NDUFA12: variants seen among roughly 807,000 people sequenced by gnomAD.
NDUFA12 encodes the protein NADH dehydrogenase [ubiquinone] 1 alpha subcomplex subunit 12.
A neutral mutation model predicts 20.3 loss-of-function variants in NDUFA12; 17 were observed. The ratio of observed to expected loss-of-function variants is 0.84; its 90% confidence interval spans 0.57 to 1.26. The LOEUF is 1.26. Ranked by LOEUF, NDUFA12 falls within the 50% of genes most tolerant of loss-of-function variation. The pLI is 0.00. For synonymous variants in NDUFA12, 72 were observed against 63.6 expected, an observed-to-expected ratio of 1.13 and a Z score of -0.63; for missense variants, 191 against 183.7, an observed-to-expected ratio of 1.04 and a Z score of -0.23.
At chr12:94,978,419 A>G (rs1260373611) in intron 3 of NDUFA12, among the ~76,000 whole-genome samples, 1 of 152,236 alleles carries the variant, frequency 6.6e-6, no homozygotes, top group Non-Finnish European at 1.5e-5. Context: ...CAGACTGGAC[A>G]TTAGAGAATT....
At chr12:94,978,355 G>A (rs1874126509) in intron 3 of NDUFA12, among the ~76,000 whole-genome samples, 1 of 152,198 alleles carries the variant, frequency 6.6e-6, no homozygotes, top group Non-Finnish European at 1.5e-5. Flanking sequence ...AGTCATAGAG[G>A]CAGTGATGAG....
intron 3 of NDUFA12, among the ~76,000 whole-genome samples, chr12:94,988,267 T>A (rs1004549380): frequency 1.3e-5 from 2 of 152,228 alleles, no homozygotes; most frequent in African/African-American, 4.8e-5. Flanking sequence ...CCTTTCATAG[T>A]GTATCTTTGT....
intron 3 of NDUFA12, among the ~76,000 whole-genome samples, chr12:94,986,245 A>G (rs557307386): frequency 1.3e-5 from 2 of 152,070 alleles, no homozygotes; most frequent in Admixed American, 6.6e-5. Context: ...TGTCTTCAAA[A>G]GAAAAAAAAA....
Position 94,971,589 on chromosome 12 carries a change from G to T in NDUFA12, c.289C>A (p.Pro97Thr). Reference protein sequence around the residue: ...HRWLHSMTDDPPTTKPLTARK... With the variant: ...HRWLHSMTDDTPTTKPLTARK... The stretch of plus-strand genomic sequence containing the variant: ...GCAGTAAGTGGTTTTGTTGTTGGAG[G>T]ATCATCAGTCATACTGTGAAGCCAA... Residue 97 changes from proline to threonine, a missense_variant, in exon 4 of 4, where the codon CCT (proline) becomes ACT (threonine). Coordinates refer to ENST00000327772, the MANE Select transcript of NDUFA12 (RefSeq NM_018838.5). The T allele has an allele frequency of 6.2e-7, 1 of 1,614,146 alleles. No individual in the cohort carries two copies. Among genetic ancestry groups the T allele is most frequent in the South Asian group, 1.1e-5 (1 of 91,078 alleles).
intron 3 of NDUFA12, among the ~76,000 whole-genome samples, chr12:94,992,194 T>TG (rs760888848): frequency 6.6e-6 from 1 of 152,244 alleles, no homozygotes; most frequent in South Asian, 2.1e-4. Flanking sequence ...ATGAAACAGA[T>TG]ATAAGTACTT....
intron 2 of NDUFA12, among the ~76,000 whole-genome samples, chr12:95,001,054 C>A (rs1487956484): frequency 6.6e-6 from 1 of 152,190 alleles, no homozygotes; most frequent in Non-Finnish European, 1.5e-5. Flanking sequence ...CCCGTGATCC[C>A]AGCACTTTGG....
At chr12:94,979,384 A>T (rs1874162544) in intron 3 of NDUFA12, among the ~76,000 whole-genome samples, 1 of 152,192 alleles carries the variant, frequency 6.6e-6, no homozygotes, top group African/African-American at 2.4e-5. Flanking sequence ...CAGATTTCCA[A>T]ATTTTCTATA....
chr12:94,996,643 C>T (rs893336067), intron 2 of NDUFA12, among the ~76,000 whole-genome samples: 5 of 151,652 alleles, frequency 3.3e-5, no homozygotes, highest in African/African-American at 1.2e-4. Context: ...CATAGAGAAA[C>T]CCCATCTCTA....
intron 3 of NDUFA12, chr12:94,972,418 G>A (rs1565811924): frequency 2.2e-6 from 1 of 450,410 alleles, no homozygotes; most frequent in South Asian, 1.6e-5. Flanking sequence ...GGTGCTAGAG[G>A]CCGATTCTGG....
rs894466802 is a variant in NDUFA12, at chr12:95,003,667, T to A, written c.14A>T (p.Gln5Leu). 1 of 1,614,056 alleles carries A rather than the reference T, an allele frequency of 6.2e-7. No homozygotes were observed. The highest frequency in any genetic ancestry group is 8.5e-7 in the Non-Finnish European group (1 of 1,180,052). Residue 5 changes from glutamine to leucine, a missense_variant, in exon 1 of 4, where the codon CAG becomes CTG. By Grantham distance (113) the Gln-to-Leu change is moderately radical. Transcript: ENST00000327772. ...CTGCTGCAGCCCGCGTTTCAGGACCTGCACTAACTCCATCTTGCCTCGCTG... is the reference window on the plus strand; with the variant it reads ...CTGCTGCAGCCCGCGTTTCAGGACCAGCACTAACTCCATCTTGCCTCGCTG... MELV[Q>L]VLKRGLQQIT...
At chr12:94,993,691 T>G (rs1423079325) in intron 3 of NDUFA12, among the ~76,000 whole-genome samples, 1 of 142,338 alleles carries the variant, frequency 7.0e-6, no homozygotes, top group Non-Finnish European at 1.5e-5. Flanking sequence ...TCCCAGCACT[T>G]TGGGAGGCCG....
At chr12:94,993,189 A>G (rs907175757) in intron 3 of NDUFA12, among the ~76,000 whole-genome samples, 1 of 151,914 alleles carries the variant, frequency 6.6e-6, no homozygotes, top group Non-Finnish European at 1.5e-5. Flanking sequence ...TCCCATTTCA[A>G]CTAAAAAAAT....
chr12:95,000,005 A>T (rs1473831238), intron 2 of NDUFA12, among the ~76,000 whole-genome samples: 1 of 152,254 alleles, frequency 6.6e-6, no homozygotes, highest in Non-Finnish European at 1.5e-5. Context: ...AAGTCATTAC[A>T]TGAAAAAGAC....
rs547418260 is a variant in NDUFA12, at chr12:94,971,497, A to G, written c.381T>C (p.Tyr127=). 2.5e-6 allele frequency: 4 copies of G among 1,614,222 alleles called. No individual in the cohort carries two copies. In the African/African-American group the frequency reaches 5.3e-5, roughly 22 times the overall value. Residue 127 remains tyrosine (Y), a synonymous_variant, in exon 4 of 4, where the codon TAT becomes TAC. Transcript: ENST00000327772. ...VTGTPEQYVP[Y]STTRKKIQEW... ...CCTGAATCTTCTTTCTAGTGGTAGAATAAGGTACATATTGTTCTGGGGTGC... is the reference window on the plus strand; with the variant it reads ...CCTGAATCTTCTTTCTAGTGGTAGAGTAAGGTACATATTGTTCTGGGGTGC...
chr12:95,000,442 A>C (rs1283895439), intron 2 of NDUFA12, among the ~76,000 whole-genome samples: 4 of 152,238 alleles, frequency 2.6e-5, no homozygotes, highest in Non-Finnish European at 4.4e-5. Context: ...CTGTACTCCA[A>C]AAACTATTGA....
At chr12:94,985,655 G>A (rs1172362538) in intron 3 of NDUFA12, among the ~76,000 whole-genome samples, 4 of 147,442 alleles carry the variant, frequency 2.7e-5, no homozygotes, top group Non-Finnish European at 6.0e-5. Flanking sequence ...AAAGCGGTTG[G>A]CAGGGACAAA....
intron 3 of NDUFA12, chr12:94,972,600 A>C (rs1873925410): frequency 5.7e-6 from 2 of 351,974 alleles, no homozygotes; most frequent in South Asian, 4.2e-5. Flanking sequence ...ACAGTGGCTC[A>C]TGTCTATAAT....
At chr12:94,999,063 A>G (rs1035188794) in intron 2 of NDUFA12, among the ~76,000 whole-genome samples, 3 of 152,340 alleles carry the variant, frequency 2.0e-5, no homozygotes, top group Middle Eastern at 3.4e-3. Context: ...TAGAGACTTC[A>G]CATTACCCAA....
intron 2 of NDUFA12, among the ~76,000 whole-genome samples, chr12:94,996,408 A>T (rs538309629): frequency 1.3e-5 from 2 of 150,942 alleles, no homozygotes; most frequent in South Asian, 4.2e-4. Context: ...TGCTGGCCTC[A>T]ACTGATCCTC....
Sources: gnomAD v4.1 joint callset for allele counts (sites outside exome capture counted in the v4.1 genomes callset) on GRCh38, gnomAD v4.1.1 for gene constraint, MANE v1.5 for transcripts, NCBI Gene and HGNC (gene_info 2026-07-23, HGNC 2026-07-21) for gene names.